The following BTG4 variants were observed in gnomAD, a reference collection of about 807,000 sequenced individuals.
The protein encoded by BTG4 is BTG anti-proliferation factor 4, also known as protein BTG4.
BTG4 carries 10 observed loss-of-function variants against 19.3 expected under a neutral mutation model. The ratio of observed to expected loss-of-function variants is 0.52; its 90% CI spans 0.32 to 0.88. The LOEUF is 0.88. Ranked by LOEUF, BTG4 falls within the 40% of genes least tolerant of loss-of-function variation. BTG4 has a pLI of 0.04. For synonymous variants in BTG4, 91 were observed against 95.7 expected (o/e 0.95, Z 0.29); for missense variants, 238 against 281.9 (o/e 0.84, Z 1.11).
the BTG4 span, among the ~76,000 whole-genome samples, chr11:111,445,027 TAGA>T: frequency 9.9e-5 from 15 of 152,272 alleles, no homozygotes; most frequent in African/African-American, 3.1e-4. Context: ...GGTGAGGGGA[TAGA>T]AGAAGCAGTG....
chr11:111,415,764 G>A, the BTG4 span, among the ~76,000 whole-genome samples: 1 of 152,124 alleles, frequency 6.6e-6, no homozygotes. Context: ...GTGGAGGTCA[G>A]GTGCAGTGGC....
chr11:111,445,979 C>T, the BTG4 span, among the ~76,000 whole-genome samples: 1 of 152,140 alleles, frequency 6.6e-6, no homozygotes, highest in Admixed American at 6.5e-5. Context: ...TAAGAAGTTA[C>T]CTTTGAGATG....
At position 111,478,871 on chromosome 11, in the gene BTG4, T is replaced by C. The variant is rs185801472; in HGVS notation, c.663-11190A>G. Among the ~76,000 whole-genome samples the C allele has an allele frequency of 3.4e-4, 51 of 151,746 alleles. 1 individual carries two copies. In the South Asian group the frequency reaches 0.01, roughly 31 times the overall value. On this transcript the variant is annotated intron_variant, in intron 5 of 5. Transcript: ENST00000356018. ...GAATGCATAGAGCACCAGGGGCATA[T>C]GGTACTATAGCAAAAGATGGAGCAT...
the BTG4 span, among the ~76,000 whole-genome samples, chr11:111,461,549 C>T: frequency 3.3e-5 from 5 of 152,114 alleles, no homozygotes; most frequent in African/African-American, 4.8e-5. Context: ...GGTGAAACCC[C>T]GTCTCTACAA....
At chr11:111,494,655 G>A (rs147272581), downstream of BTG4, among the ~76,000 whole-genome samples, 18 of 152,176 alleles carry the variant, frequency 1.2e-4, no homozygotes, top group East Asian at 3.3e-3. Context: ...GGCCGGGCAC[G>A]GTGGCTCACG....
the BTG4 span, among the ~76,000 whole-genome samples, chr11:111,454,550 A>G: frequency 6.6e-6 from 1 of 152,142 alleles, no homozygotes; most frequent in African/African-American, 2.4e-5. Context: ...TAAAATTAGA[A>G]CTGATTTCAT....
chr11:111,464,369 AACG>A (rs1310077906), downstream of BTG4, among the ~76,000 whole-genome samples: 6 of 152,154 alleles, frequency 3.9e-5, no homozygotes, highest in Non-Finnish European at 8.8e-5. Context: ...CATTTGGATG[AACG>A]ACTAGATCCA....
Position 111,470,573 on chromosome 11 carries a change from T to C in BTG4, c.663-2892A>G, listed in dbSNP as rs182174283. ...GTGGCAGCATGTTTACCCAAACTTATGGTGTGCTGTTTTCTGTGCAAGCTT... is the reference window on the plus strand; with the variant it reads ...GTGGCAGCATGTTTACCCAAACTTACGGTGTGCTGTTTTCTGTGCAAGCTT... On this transcript the variant is annotated intron_variant, in intron 5 of 5. Transcript: ENST00000356018. Among the ~76,000 whole-genome samples, 22 of 152,310 alleles carry C rather than the reference T, an allele frequency of 1.4e-4. No homozygotes were observed. The East Asian group carries it at 3.5e-3, about 24-fold the overall frequency.
chr11:111,413,559 A>G, the BTG4 span, among the ~76,000 whole-genome samples: 22 of 152,392 alleles, frequency 1.4e-4, no homozygotes, highest in African/African-American at 5.3e-4. Context: ...AGATGAGGAA[A>G]TTGAGGCTTA....
rs777131883 is a variant in BTG4, at chr11:111,498,135, C to T, written c.174G>A (p.Arg58=). The change falls in exon 3 of 5, where the codon AGG becomes AGA. Residue 58 remains arginine (R), a splice_region_variant and synonymous_variant. Transcript: ENST00000692032. Reference sequence around the variant, plus strand: ...TCTGATTGTTGTTTATCCTGATGCACCTTTTTAAAAAGCGAAGGGAAACGA... The same window carrying T: ...TCTGATTGTTGTTTATCCTGATGCATCTTTTTAAAAAGCGAAGGGAAACGA... ...SDCPSKGQAF[R]CIRINNNQNK... is the part of the protein sequence containing the mutation. 1.9e-6 allele frequency: 3 copies of T among 1,613,806 alleles called. No individual in the cohort carries two copies. The highest frequency in any genetic ancestry group is 2.5e-6 in the Non-Finnish European group (3 of 1,179,914).
At chr11:111,408,995 C>A in the BTG4 span, among the ~76,000 whole-genome samples, 492 of 152,002 alleles carry the variant, frequency 3.2e-3, 2 homozygotes, top group African/African-American at 0.011. Flanking sequence ...GACTCTGAGT[C>A]GAGTTGAAAA....
chr11:111,436,123 G>C, the BTG4 span, among the ~76,000 whole-genome samples: 1 of 152,116 alleles, frequency 6.6e-6, no homozygotes. Flanking sequence ...TAAACATAAG[G>C]AAGCAAGGGG....
At chr11:111,479,413 G>A (rs1048678550) in intron 5 of BTG4, among the ~76,000 whole-genome samples, 1 of 151,968 alleles carries the variant, frequency 6.6e-6, no homozygotes, top group East Asian at 1.9e-4. Context: ...AGTATAAGAC[G>A]AGCCTGGACA....
chr11:111,388,856 A>C, the BTG4 span, among the ~76,000 whole-genome samples: 2 of 152,232 alleles, frequency 1.3e-5, no homozygotes, highest in Non-Finnish European at 2.9e-5. Context: ...GAGTAAAGTG[A>C]AAGGAGTTTG....
At chr11:111,397,280 A>G in the BTG4 span, among the ~76,000 whole-genome samples, 1 of 152,042 alleles carries the variant, frequency 6.6e-6, no homozygotes, top group African/African-American at 2.4e-5. Flanking sequence ...TGCCCTTCCA[A>G]TTGCCCTTAG....
chr11:111,498,229 C>G, intron 2 of BTG4, 94 bp from the exon 3 acceptor site: 1 of 1,371,394 alleles, frequency 7.3e-7, no homozygotes, highest in Non-Finnish European at 1.0e-6. Flanking sequence ...CACATAGCTC[C>G]CACCTCATCC....
the BTG4 span, among the ~76,000 whole-genome samples, chr11:111,435,619 C>T: frequency 2.0e-5 from 3 of 152,304 alleles, no homozygotes; most frequent in Admixed American, 6.5e-5. Flanking sequence ...AAGCTGCCTA[C>T]CCTGTCCCAA....
chr11:111,453,024 T>C, the BTG4 span, among the ~76,000 whole-genome samples: 1 of 152,144 alleles, frequency 6.6e-6, no homozygotes. Flanking sequence ...ACACATCTCC[T>C]CTGGTGACCA....
chr11:111,502,742 G>A (rs1398749809), intron 1 of BTG4, among the ~76,000 whole-genome samples: 1 of 152,140 alleles, frequency 6.6e-6, no homozygotes, highest in East Asian at 1.9e-4. Flanking sequence ...ATGACAAACT[G>A]TTCCCTTGCA....
Sources: gnomAD v4.1 joint callset for allele counts (sites outside exome capture counted in the v4.1 genomes callset) on GRCh38, gnomAD v4.1.1 for gene constraint, MANE v1.5 for transcripts, NCBI Gene and HGNC (gene_info 2026-07-23, HGNC 2026-07-21) for gene names.